ABCG8: variants seen among roughly 807,000 people sequenced by gnomAD.
ABCG8 encodes ATP-binding cassette sub-family G member 8.
ABCG8 carries 81 observed loss-of-function variants against 71.3 expected under a neutral mutation model. The observed-to-expected ratio is 1.14, with a 90% confidence interval of 0.95 to 1.37. ABCG8 has a LOEUF of 1.37. Among genes scored for constraint, ABCG8 ranks in the 40% most tolerant of loss-of-function variants. ABCG8 has a pLI of 0.00. For synonymous variants in ABCG8, 451 were observed against 354.7 expected, an observed-to-expected ratio of 1.27 and a Z score of -3.05; for missense variants, 1,119 against 866.2, an observed-to-expected ratio of 1.29 and a Z score of -3.66.
intron 6 of ABCG8, among the ~76,000 whole-genome samples, chr2:43,855,142 C>T (rs562673411): frequency 6.6e-6 from 1 of 152,184 alleles, no homozygotes; most frequent in African/African-American, 2.4e-5. Context: ...GGATAGAATT[C>T]TCATTCTCTG....
At chr2:43,858,172 C>T (rs1439033543) in intron 6 of ABCG8, among the ~76,000 whole-genome samples, 2 of 151,292 alleles carry the variant, frequency 1.3e-5, no homozygotes, top group African/African-American at 4.8e-5. Flanking sequence ...ATAGAGTTCT[C>T]ACCATATGGA....
chr2:43,846,426 A>T, intron 3 of ABCG8, 115 bp downstream of exon 3: 1 of 1,430,798 alleles, frequency 7.0e-7, no homozygotes, highest in South Asian at 1.2e-5. Context: ...ATAATACAGC[A>T]GAATGGCTGA....
chr2:43,866,474 A>G (rs1182549399), intron 6 of ABCG8, among the ~76,000 whole-genome samples: 1 of 152,246 alleles, frequency 6.6e-6, no homozygotes, highest in Admixed American at 6.5e-5. Context: ...TCCAGAATCT[A>G]CAATGAAGTC....
intron 3 of ABCG8, chr2:43,847,612 C>T: frequency 6.6e-6 from 1 of 152,004 alleles, no homozygotes; most frequent in Non-Finnish European, 1.5e-5. Context: ...GAGGTTGAGG[C>T]AGGAGAATGG....
chr2:43,846,956 A>T, intron 3 of ABCG8: 1 of 172,488 alleles, frequency 5.8e-6, no homozygotes, highest in Non-Finnish European at 1.2e-5. Flanking sequence ...CCTACTCCTC[A>T]GTGTGTCTAG....
intron 6 of ABCG8, among the ~76,000 whole-genome samples, chr2:43,865,603 A>G (rs1201729913): frequency 2.0e-5 from 3 of 151,586 alleles, no homozygotes; most frequent in Non-Finnish European, 4.4e-5. Context: ...CACCCTCTAG[A>G]TAGAACTCTC....
In ABCG8 at chr2:43,875,230, C is replaced by T; in HGVS notation, c.1573C>T (p.Leu525Phe). The T allele has an allele frequency of 3.7e-6, 6 of 1,614,232 alleles. No homozygotes were observed. The highest frequency in any genetic ancestry group is 1.1e-5 in the South Asian group (1 of 91,086). The change falls in exon 11 of 13, where the codon CTC becomes TTC. Residue 525 changes from leucine to phenylalanine, a missense_variant. Physicochemically the swap from Leu to Phe is conservative, Grantham distance 22. Coordinates refer to ENST00000272286, the MANE Select transcript of ABCG8 (RefSeq NM_022437.3). Reference sequence around the variant, plus strand: ...CTGGCTGGCCAACCTGAGGCCAGGCCTCCAGCCCTTCCTGCTGCACTTCCT... The same window carrying T: ...CTGGCTGGCCAACCTGAGGCCAGGCTTCCAGCCCTTCCTGCTGCACTTCCT... ...TYWLANLRPG[L>F]QPFLLHFLLV...
intron 6 of ABCG8, among the ~76,000 whole-genome samples, chr2:43,868,072 T>A (rs1669597863): frequency 6.6e-6 from 1 of 151,938 alleles, no homozygotes; most frequent in Non-Finnish European, 1.5e-5. Flanking sequence ...TCTATCTCGA[T>A]ATAATTTTCA....
At position 43,862,333 on chromosome 2, in the gene ABCG8, T is replaced by C. The variant is rs149486604; in HGVS notation, c.964+9465T>C. Among the ~76,000 whole-genome samples the C allele has an allele frequency of 5.2e-3, 724 of 138,124 alleles. 1 individual carries two copies. The highest frequency in any genetic ancestry group is 0.013 in the South Asian group (53 of 4,138). 90.6% of individuals were successfully genotyped at this position (138,124 alleles called of 152,430 possible). ...CTCACTATCTATCTGGATAGAATTC[T>C]CACAATCTGGATAGAAGTCTTACTG... On this transcript the variant is annotated intron_variant, in intron 6 of 12. Coordinates refer to ENST00000272286, the MANE Select transcript of ABCG8 (RefSeq NM_022437.3).
chr2:43,872,699 A>G (rs894228350), intron 8 of ABCG8, among the ~76,000 whole-genome samples: 14 of 152,152 alleles, frequency 9.2e-5, no homozygotes, highest in Non-Finnish European at 2.1e-4. Flanking sequence ...GCAGAGCAAG[A>G]CCCCATCTCA....
At chr2:43,865,189 GCTCTCACTATCTAGATAGAA>G (rs879638965) in intron 6 of ABCG8, among the ~76,000 whole-genome samples, 3,511 of 149,870 alleles carry the variant, frequency 0.023, 228 homozygotes, top group Middle Eastern at 0.057. Context: ...TCTGGATAGA[GCTCTCACTATCTAGATAGAA>G]TTCTCACCAT....
intron 6 of ABCG8, among the ~76,000 whole-genome samples, chr2:43,864,185 ACTCT>A (rs1255178319): frequency 2.7e-5 from 4 of 148,320 alleles, no homozygotes; most frequent in South Asian, 2.2e-4. Context: ...TAGAACTCTC[ACTCT>A]CTCTATATAT....
rs1668977072 is a variant in ABCG8 at position 43,852,867 on chromosome 2, T to C, written c.963T>C (p.Tyr321=). The change falls in exon 6 of 13, where the codon TAT becomes TAC. Residue 321 remains tyrosine, a splice_region_variant and synonymous_variant. Transcript: ENST00000272286. ...CPRYSNPADF[Y]VDLTSIDRRS... ...GCTACAGCAATCCTGCTGACTTCTA[T>C]GGTGAGTCCCCAAGGCCAGCAGCCA... 1.2e-6 allele frequency: 2 copies of C among 1,613,882 alleles called. No individual in the cohort carries two copies. The highest frequency in any genetic ancestry group is 2.7e-5 in the African/African-American group (2 of 74,896).
Position 43,878,585 on chromosome 2 carries a change from C to T in ABCG8, c.*672C>T, listed in dbSNP as rs1442876468. 1.2e-5 allele frequency: 2 copies of T among 162,938 alleles called. No individual in the cohort carries two copies. Among genetic ancestry groups the T allele is most frequent in the Non-Finnish European group, 2.7e-5 (2 of 73,574 alleles). The allele number at this position is 162,938 out of a possible 1,614,324, so 10.1% of individuals were successfully genotyped here. On this transcript the variant is annotated 3_prime_UTR_variant, in exon 13 of 13. Transcript: ENST00000272286. ...TCATTTTCCTAAGGGCACATGGATA[C>T]TTTGTGGTGGAGTCATATGGGGATC...
intron 2 of ABCG8, among the ~76,000 whole-genome samples, chr2:43,845,345 G>A (rs1318205557): frequency 6.6e-6 from 1 of 152,024 alleles, no homozygotes; most frequent in Non-Finnish European, 1.5e-5. Context: ...ACAAGCCAAT[G>A]AGCCTTTCTC....
intron 6 of ABCG8, among the ~76,000 whole-genome samples, chr2:43,866,283 G>A (rs1172517550): frequency 1.5e-5 from 2 of 136,830 alleles, no homozygotes; most frequent in Non-Finnish European, 3.2e-5. Flanking sequence ...ACATAGGCAC[G>A]GGCAAGGACT....
At chr2:43,877,470 GAC>G (rs1669994996) in intron 11 of ABCG8, 89 bp from the exon 12 acceptor site, 1 of 1,580,110 alleles carries the variant, frequency 6.3e-7, no homozygotes, top group South Asian at 1.1e-5. Context: ...AATATGGGGA[GAC>G]TCTGTGAATA....
intron 6 of ABCG8, among the ~76,000 whole-genome samples, chr2:43,855,299 G>A (rs953033586): frequency 6.7e-6 from 1 of 150,182 alleles, no homozygotes; most frequent in Non-Finnish European, 1.5e-5. Context: ...ACTATCTATC[G>A]AGATAGAATA....
rs749514686 is a variant in ABCG8 at position 43,851,627 on chromosome 2, T to C, written c.366T>C (p.Gly122=). The C allele has an allele frequency of 3.7e-6, 6 of 1,614,162 alleles. No individual in the cohort carries two copies. In the South Asian group the frequency reaches 6.6e-5, roughly 18 times the overall value. ...TGCTAGATGTGATCACTGGCCGAGG[T>C]CACGGCGGCAAGATCAAGTCAGGCC... ...ASLLDVITGR[G]HGGKIKSGQI... Residue 122 remains glycine (G), a synonymous_variant, in exon 4 of 13, where the codon GGT becomes GGC. Coordinates refer to ENST00000272286, the MANE Select transcript of ABCG8 (RefSeq NM_022437.3).
Sources: gnomAD v4.1 joint callset for allele counts (sites outside exome capture counted in the v4.1 genomes callset) on GRCh38, gnomAD v4.1.1 for gene constraint, MANE v1.5 for transcripts, NCBI Gene and HGNC (gene_info 2026-07-23, HGNC 2026-07-21) for gene names.